Variants in CD82 observed in about 807,000 individuals in gnomAD.
CD82 encodes CD82 molecule.
CD82 carries 36 observed loss-of-function variants against 37.4 expected under a neutral mutation model. The ratio of observed to expected loss-of-function variants is 0.96; its 90% CI spans 0.74 to 1.27. CD82 has a LOEUF of 1.27. Ranked by LOEUF, CD82 falls within the 50% of genes most tolerant of loss-of-function variation. The probability of loss-of-function intolerance (pLI) is 0.00; values close to 1 mark genes in which losing one functional copy is unlikely to be tolerated. For synonymous variants in CD82, 158 were observed against 137.4 expected, an observed-to-expected ratio of 1.15 and a Z score of -1.05; for missense variants, 340 against 347.0, an observed-to-expected ratio of 0.98 and a Z score of 0.16.
intron 1 of CD82, among the ~76,000 whole-genome samples, chr11:44,574,991 G>A (rs1206981782): frequency 1.3e-5 from 2 of 152,190 alleles, no homozygotes; most frequent in Admixed American, 1.3e-4. Context: ...ACTCTAATGA[G>A]CTCCATGGAA....
intron 1 of CD82, among the ~76,000 whole-genome samples, chr11:44,579,422 C>T (rs1209705723): frequency 6.6e-6 from 1 of 152,080 alleles, no homozygotes; most frequent in Non-Finnish European, 1.5e-5. Flanking sequence ...AGGCCGGCCT[C>T]ACCGCAGGCT....
intron 1 of CD82, among the ~76,000 whole-genome samples, chr11:44,572,661 G>T (rs1388280178): frequency 6.6e-6 from 1 of 152,194 alleles, no homozygotes; most frequent in Non-Finnish European, 1.5e-5. Flanking sequence ...GCCTTCCCAT[G>T]CGGTGGGCAC....
intron 1 of CD82, among the ~76,000 whole-genome samples, chr11:44,577,797 G>A (rs773082523): frequency 2.6e-5 from 4 of 152,180 alleles, no homozygotes; most frequent in Non-Finnish European, 5.9e-5. Flanking sequence ...AGTGGGCTCA[G>A]GCTATGTTCT....
intron 1 of CD82, among the ~76,000 whole-genome samples, chr11:44,571,679 A>G (rs543861891): frequency 1.3e-5 from 2 of 152,088 alleles, no homozygotes; most frequent in Non-Finnish European, 2.9e-5. Flanking sequence ...GGTTCAAGTG[A>G]TTCTCGTGTC....
intron 3 of CD82, 100 bp downstream of exon 3, chr11:44,594,825 G>C (rs370823795): frequency 4.3e-5 from 43 of 997,128 alleles, no homozygotes; most frequent in Admixed American, 8.6e-5. Context: ...CCGGGGATTG[G>C]GGGGATTTGG....
At chr11:44,584,570 G>C (rs560823256) in intron 1 of CD82, among the ~76,000 whole-genome samples, 2 of 152,274 alleles carry the variant, frequency 1.3e-5, no homozygotes, top group Admixed American at 1.3e-4. Context: ...TTACAGGTGT[G>C]AGCCACTGTG....
rs567443294 is a variant in CD82 at position 44,618,465 on chromosome 11, T to G, written c.642+100T>G. 60 of 1,159,936 alleles carry G rather than the reference T, an allele frequency of 5.2e-5. No individual in the cohort carries two copies. In the South Asian group the frequency reaches 5.3e-4, roughly 10 times the overall value. The allele number at this position is 1,159,936 out of a possible 1,614,324, so 71.9% of individuals were successfully genotyped here. A position where few individuals can be genotyped will look rare whatever the true frequency, so the allele number is the denominator to read the frequency against. On this transcript the variant is annotated intron_variant, in intron 8 of 9. Coordinates refer to ENST00000227155, the MANE Select transcript of CD82 (RefSeq NM_002231.4). Reference sequence around the variant, plus strand: ...CCTTCCTGCATTTAGTTCCTTCCCTTAATTCATCTGTCATTTGTACCTTCA... The same window carrying G: ...CCTTCCTGCATTTAGTTCCTTCCCTGAATTCATCTGTCATTTGTACCTTCA...
At chr11:44,592,322 C>T (rs533839572) in intron 2 of CD82, among the ~76,000 whole-genome samples, 49 of 152,342 alleles carry the variant, frequency 3.2e-4, no homozygotes, top group African/African-American at 1.1e-3. Flanking sequence ...ATTGCCAAGA[C>T]GCATAGTTTG....
intron 1 of CD82, among the ~76,000 whole-genome samples, chr11:44,576,887 G>A (rs11605647): frequency 0.47 from 70,853 of 151,866 alleles, 17,789 homozygotes; most frequent in East Asian, 0.83. Context: ...CCCGTGGGCA[G>A]TTGAGGGATG....
intron 4 of CD82, among the ~76,000 whole-genome samples, chr11:44,601,411 G>A (rs1300966204): frequency 7.1e-6 from 1 of 141,476 alleles, no homozygotes; most frequent in Non-Finnish European, 1.6e-5. Context: ...CCATTCTGGG[G>A]TTAGGGTGGG....
At chr11:44,580,417 G>T (rs1852963492) in intron 1 of CD82, among the ~76,000 whole-genome samples, 1 of 152,208 alleles carries the variant, frequency 6.6e-6, no homozygotes, top group East Asian at 1.9e-4. Flanking sequence ...GCTCGGAAAA[G>T]TTAAATGACA....
intron 2 of CD82, 36 bp from the exon 3 acceptor site, chr11:44,594,607 A>G: frequency 7.5e-7 from 1 of 1,334,656 alleles, no homozygotes; most frequent in African/African-American, 1.4e-5. Context: ...GACTGAGCTG[A>G]TCCCCTCACT....
chr11:44,595,968 A>G (rs1368070800), intron 3 of CD82, among the ~76,000 whole-genome samples: 2 of 151,964 alleles, frequency 1.3e-5, no homozygotes, highest in African/African-American at 2.4e-5. Context: ...CTTTAACCCA[A>G]TGCACAGACA....
intron 4 of CD82, 24 bp from the exon 5 acceptor site, chr11:44,605,034 T>G (rs367782443): frequency 2.3e-5 from 37 of 1,613,936 alleles, no homozygotes; most frequent in Non-Finnish European, 2.9e-5. Context: ...TGCCCACTGA[T>G]TTTGTACTTC....
chr11:44,583,040 G>A (rs1853003783), intron 1 of CD82, among the ~76,000 whole-genome samples: 1 of 152,174 alleles, frequency 6.6e-6, no homozygotes, highest in Non-Finnish European at 1.5e-5. Flanking sequence ...TTCTTCTCTG[G>A]GCATCAGTCT....
chr11:44,577,827 C>G (rs933062239), intron 1 of CD82, among the ~76,000 whole-genome samples: 1 of 152,176 alleles, frequency 6.6e-6, no homozygotes, highest in Non-Finnish European at 1.5e-5. Context: ...TACCCCAACC[C>G]GCTTGAGTAG....
At chr11:44,612,246 A>G (rs2134686767) in intron 6 of CD82, among the ~76,000 whole-genome samples, 1 of 152,366 alleles carries the variant, frequency 6.6e-6, no homozygotes, top group Middle Eastern at 3.4e-3. Context: ...CTGGGTTCTG[A>G]AATCAGCCAA....
chr11:44,615,394 A>G, intron 7 of CD82, 21 bp downstream of exon 7: 2 of 1,507,526 alleles, frequency 1.3e-6, no homozygotes, highest in Non-Finnish European at 1.8e-6. Flanking sequence ...GCGGGGCTGC[A>G]GGAGGCTCTC....
chr11:44,589,068 C>T (rs1853102237), intron 2 of CD82, among the ~76,000 whole-genome samples: 1 of 152,168 alleles, frequency 6.6e-6, no homozygotes, highest in African/African-American at 2.4e-5. Context: ...ACCAGCCTGG[C>T]CAACACGGCA....
Sources: gnomAD v4.1 joint callset for allele counts (sites outside exome capture counted in the v4.1 genomes callset) on GRCh38, gnomAD v4.1.1 for gene constraint, MANE v1.5 for transcripts, NCBI Gene and HGNC (gene_info 2026-07-23, HGNC 2026-07-21) for gene names.